CCDC14: variants seen among roughly 807,000 people sequenced by gnomAD.
CCDC14 encodes coiled-coil domain containing 14.
Under a neutral mutation model 81.4 loss-of-function variants are expected in CCDC14, and 71 were observed. The observed-to-expected ratio is 0.87, with a 90% CI of 0.72 to 1.06. The LOEUF is 1.06. CCDC14 is among the 50% of genes least tolerant of loss of function. The pLI, the probability that CCDC14 is intolerant of heterozygous loss-of-function variation, is 0.00. For missense variants in CCDC14, 1,046 were observed against 1,047.3 expected, an observed-to-expected ratio of 1.00 and a Z score of 0.02; for synonymous variants, 332 against 364.8, an observed-to-expected ratio of 0.91 and a Z score of 1.03.
chr3:123,909,969 T>A (rs954932084), downstream of CCDC14, among the ~76,000 whole-genome samples: 1 of 152,206 alleles, frequency 6.6e-6, no homozygotes, highest in Non-Finnish European at 1.5e-5. Flanking sequence ...TTCCACATGA[T>A]AATTTTCATA....
chr3:123,922,915 T>G (rs1289184868), intron 12 of CCDC14, among the ~76,000 whole-genome samples: 1 of 152,070 alleles, frequency 6.6e-6, no homozygotes, highest in Non-Finnish European at 1.5e-5. Context: ...TGTTGAACAC[T>G]TGAAAACACT....
chr3:123,924,189 G>A lies in CCDC14; in HGVS notation c.1778+6913C>T, dbSNP rs72962784. Among the ~76,000 whole-genome samples the A allele has an allele frequency of 8.4e-3, 1,272 of 152,018 alleles. 11 individuals are homozygous for A. The highest frequency in any genetic ancestry group is 0.027 in the African/African-American group (1,136 of 41,490). ...CAAAGGTGACAAGAAAACAAAATGG[G>A]GAAAAGTCTCTTCAACAAATGGTGA... On this transcript the variant is annotated intron_variant, in intron 12 of 12. Coordinates refer to ENST00000409697, the MANE Select transcript of CCDC14 (RefSeq NM_001366335.1).
At chr3:123,956,473 AT>A in intron 2 of CCDC14, 46 bp from the exon 3 acceptor site, 2 of 1,327,220 alleles carry the variant, frequency 1.5e-6, no homozygotes, top group East Asian at 5.1e-5. Flanking sequence ...TTTTCCCAAA[AT>A]ATATTAGTAA....
chr3:123,935,499 T>C (rs915068525), intron 9 of CCDC14, among the ~76,000 whole-genome samples: 2 of 152,276 alleles, frequency 1.3e-5, no homozygotes, highest in East Asian at 1.9e-4. Flanking sequence ...TATTTAATAG[T>C]GCCAAGTTGG....
rs757184419 is a variant in CCDC14 at position 123,931,203 on chromosome 3, G to A, written c.1677C>T (p.Ser559=). ...ELEEALVNVK[S]SQFKLETAEK... ...CAGCAGTTTCTAACTTAAACTGGGA[G>A]CTTTTCACATTGACTAGGGCTTCCT... Residue 559 remains serine (S), a synonymous_variant, in exon 12 of 13, where the codon AGC becomes AGT. Transcript: ENST00000409697. 2 of 1,611,562 alleles carry A rather than the reference G, an allele frequency of 1.2e-6. No homozygotes were observed. Among genetic ancestry groups the A allele is most frequent in the East Asian group, 2.2e-5 (1 of 44,816 alleles).
rs776190219 is a variant in CCDC14, at chr3:123,915,741, C to T, written c.1779-23G>A. ...GTTCTGTTAAGAAGAATCCAGAACA[C>T]TAATTATTATTTTTTACCTGTTTCT... On this transcript the variant is annotated intron_variant, in intron 12 of 12. Coordinates refer to ENST00000409697, the MANE Select transcript of CCDC14 (RefSeq NM_001366335.1). 2.0e-6 allele frequency: 3 copies of T among 1,502,870 alleles called. No homozygotes were observed. The Admixed American group carries it at 6.4e-5, about 32-fold the overall frequency. The allele number at this position is 1,502,870 out of a possible 1,614,324, so 93.1% of individuals were successfully genotyped here. A position where few individuals can be genotyped will look rare whatever the true frequency, so the allele number is the denominator to read the frequency against.
intron 9 of CCDC14, among the ~76,000 whole-genome samples, chr3:123,935,426 T>A (rs931357488): frequency 6.6e-6 from 1 of 152,098 alleles, no homozygotes; most frequent in African/African-American, 2.4e-5. Flanking sequence ...TCAGAAACAG[T>A]TTTACATGTG....
intron 10 of CCDC14, among the ~76,000 whole-genome samples, chr3:123,933,129 C>CCAACAAAA (rs1553715766): frequency 6.6e-6 from 1 of 150,614 alleles, no homozygotes; most frequent in Non-Finnish European, 1.5e-5. Context: ...AACAAACAAA[C>CCAACAAAA]AAAGCTGACA....
intron 9 of CCDC14, 148 bp downstream of exon 9, chr3:123,944,701 T>C (rs2036533221): frequency 1.8e-6 from 1 of 543,742 alleles, no homozygotes. Context: ...ATGCTGGAAA[T>C]CTCTGAAAAA....
chr3:123,890,156 A>G, the CCDC14 span, among the ~76,000 whole-genome samples: 1 of 152,252 alleles, frequency 6.6e-6, no homozygotes, highest in African/African-American at 2.4e-5. Context: ...GGAAGGACCC[A>G]TCCCCATGAC....
At chr3:123,900,228 A>T (rs1460232419) in intron 5 of CCDC14, among the ~76,000 whole-genome samples, 1 of 152,240 alleles carries the variant, frequency 6.6e-6, no homozygotes, top group East Asian at 1.9e-4. Context: ...TTTTTAAGAG[A>T]GAAAGAAAAA....
chr3:123,891,105 G>T, the CCDC14 span, among the ~76,000 whole-genome samples: 798 of 151,570 alleles, frequency 5.3e-3, 7 homozygotes, highest in Middle Eastern at 0.024. Flanking sequence ...TAGCCAGCTG[G>T]AACAGCTGGG....
At chr3:123,890,504 G>A in the CCDC14 span, among the ~76,000 whole-genome samples, 2 of 152,314 alleles carry the variant, frequency 1.3e-5, no homozygotes, top group East Asian at 3.9e-4. Context: ...CTAAATGGGA[G>A]AATTTGGCCA....
In CCDC14 at chr3:123,948,758, T is replaced by C. The variant is rs890963607; in HGVS notation, c.617A>G (p.Tyr206Cys). 6.3e-7 allele frequency: 1 copy of C among 1,598,002 alleles called. No homozygotes were observed. Among genetic ancestry groups the C allele is most frequent in the African/African-American group, 1.4e-5 (1 of 73,788 alleles). Residue 206 changes from tyrosine to cysteine, a missense_variant, in exon 7 of 13, where the codon TAT becomes TGT. By Grantham distance (194) the Tyr-to-Cys change is radical. Transcript: ENST00000409697. ...SESQATPHSS[Y>C]GLCTSTPVWS... ...GACTGGGGTGGAGGTACATAAGCCA[T>C]AACTAGAATGAGGAGTTGCCTGAGA...
the CCDC14 span, among the ~76,000 whole-genome samples, chr3:123,890,170 A>C: frequency 4.6e-5 from 7 of 152,208 alleles, no homozygotes; most frequent in South Asian, 8.3e-4. Context: ...CCATGACTCA[A>C]TCATCTCCCA....
chr3:123,908,626 A>T (rs948665073), downstream of CCDC14, among the ~76,000 whole-genome samples: 8 of 152,178 alleles, frequency 5.3e-5, no homozygotes, highest in African/African-American at 7.2e-5. Context: ...CTATAATTTA[A>T]ATTCTCATAC....
downstream of CCDC14, among the ~76,000 whole-genome samples, chr3:123,895,114 A>C (rs1260799442): frequency 6.6e-6 from 1 of 152,176 alleles, no homozygotes; most frequent in South Asian, 2.1e-4. Context: ...ACTGCCCCAA[A>C]GTGACATTAG....
chr3:123,906,145 C>T (rs952831010), intron 5 of CCDC14, among the ~76,000 whole-genome samples: 17 of 151,842 alleles, frequency 1.1e-4, no homozygotes, highest in East Asian at 1.9e-4. Flanking sequence ...CTGGCTAACA[C>T]GGTGAAACCC....
downstream of CCDC14, among the ~76,000 whole-genome samples, chr3:123,893,613 ATG>A (rs1391911295): frequency 9.2e-5 from 14 of 152,116 alleles, no homozygotes; most frequent in African/African-American, 3.1e-4. Flanking sequence ...ACTGAGTCAT[ATG>A]TCTATTTTTT....
Sources: allele counts gnomAD v4.1 joint callset (sites outside exome capture counted in the v4.1 genomes callset), GRCh38; gene constraint gnomAD v4.1.1; transcripts MANE v1.5; gene names NCBI Gene and HGNC (gene_info 2026-07-23, HGNC 2026-07-21).